The following SCN8A variants were observed in gnomAD, a reference collection of about 807,000 sequenced individuals.
The protein encoded by SCN8A is sodium channel protein type 8 subunit alpha.
Under a neutral mutation model 184.1 loss-of-function variants are expected in SCN8A, and 30 were observed. The ratio of observed to expected loss-of-function variants is 0.16; its 90% CI spans 0.12 to 0.22. The LOEUF (loss-of-function observed/expected upper bound fraction) is 0.22, where lower values mean the gene tolerates loss of function less well. SCN8A is among the 10% of genes least tolerant of loss of function. SCN8A has a pLI of 1.00. For missense variants in SCN8A, 1,057 were observed against 2,498.9 expected, an observed-to-expected ratio of 0.42 and a Z score of 12.30; for synonymous variants, 852 against 907.0, an observed-to-expected ratio of 0.94 and a Z score of 1.09.
At chr12:51,718,068 G>C (rs1565898339) in intron 11 of SCN8A, among the ~76,000 whole-genome samples, 1 of 152,186 alleles carries the variant, frequency 6.6e-6, no homozygotes, top group Non-Finnish European at 1.5e-5. Context: ...CAGGGGCTTT[G>C]TACATTACAA....
chr12:51,608,062 C>A (rs546713102), intron 1 of SCN8A, among the ~76,000 whole-genome samples: 102 of 149,102 alleles, frequency 6.8e-4, no homozygotes, highest in African/African-American at 2.5e-3. Context: ...GCTCTGTCGC[C>A]CAGGCTGGAG....
At chr12:51,684,475 T>C in intron 3 of SCN8A, among the ~76,000 whole-genome samples, 183 bp downstream of exon 3, 1 of 152,218 alleles carries the variant, frequency 6.6e-6, no homozygotes, top group South Asian at 2.1e-4. Context: ...AGCAAATTAT[T>C]ATTTTTTTTC....
At chr12:51,608,137 C>T (rs1364807053) in intron 1 of SCN8A, among the ~76,000 whole-genome samples, 2 of 151,554 alleles carry the variant, frequency 1.3e-5, no homozygotes, top group Non-Finnish European at 1.5e-5. Flanking sequence ...TCTCCTGCCT[C>T]AGCCTCCTGA....
chr12:51,645,394 G>A (rs1160354493), intron 1 of SCN8A, among the ~76,000 whole-genome samples: 5 of 151,200 alleles, frequency 3.3e-5, no homozygotes, highest in African/African-American at 4.9e-5. Context: ...GCCTCTGCCC[G>A]GCCGCGCCTA....
intron 18 of SCN8A, chr12:51,770,230 A>G (rs1942903631): frequency 1.7e-6 from 1 of 588,144 alleles, no homozygotes; most frequent in Middle Eastern, 4.5e-4. Context: ...AAAAATTTCC[A>G]TTAGAATGTC....
At chr12:51,734,389 A>T (rs978924872) in intron 12 of SCN8A, among the ~76,000 whole-genome samples, 1 of 152,236 alleles carries the variant, frequency 6.6e-6, no homozygotes, top group East Asian at 1.9e-4. Context: ...ACTTCTATAG[A>T]TATTGAATTA....
At chr12:51,635,747 A>T (rs1339365525) in intron 1 of SCN8A, among the ~76,000 whole-genome samples, 3 of 152,208 alleles carry the variant, frequency 2.0e-5, no homozygotes, top group Non-Finnish European at 4.4e-5. Context: ...AATAATATTT[A>T]AAAAGTTTAA....
chr12:51,770,365 G>A, intron 18 of SCN8A, 164 bp from the exon 19 acceptor site: 1 of 786,748 alleles, frequency 1.3e-6, no homozygotes, highest in South Asian at 2.0e-5. Flanking sequence ...CATAGCCCCA[G>A]CCCTGCCACC....
At chr12:51,636,187 G>A (rs1013092729) in intron 1 of SCN8A, among the ~76,000 whole-genome samples, 28 of 152,078 alleles carry the variant, frequency 1.8e-4, no homozygotes, top group African/African-American at 4.3e-4. Flanking sequence ...TAGTAGAGAC[G>A]GGGTTTCACC....
rs184163516 is a variant in SCN8A at position 51,754,536 on chromosome 12, G to A, written c.2370+2943G>A. ...AATGTGAGGCTTTTCCTATAGCCCT[G>A]ATTGTGAGTTAAGTTAAGGGTCTAA... On this transcript the variant is annotated intron_variant, in intron 14 of 26. Coordinates refer to ENST00000627620, the MANE Select transcript of SCN8A (RefSeq NM_001330260.2). Among the ~76,000 whole-genome samples, 289 of 152,224 alleles carry A rather than the reference G, an allele frequency of 1.9e-3. 2 individuals carry two copies. The highest frequency in any genetic ancestry group is 6.2e-3 in the African/African-American group (259 of 41,550).
intron 25 of SCN8A, among the ~76,000 whole-genome samples, chr12:51,793,068 T>C (rs1021401595): frequency 1.3e-5 from 2 of 152,042 alleles, no homozygotes; most frequent in Non-Finnish European, 2.9e-5. Flanking sequence ...TTGTTTTAAA[T>C]CATTACACTT....
At chr12:51,742,095 T>C (rs1942436250) in intron 12 of SCN8A, among the ~76,000 whole-genome samples, 2 of 152,248 alleles carry the variant, frequency 1.3e-5, no homozygotes, top group Non-Finnish European at 2.9e-5. Flanking sequence ...CACTTTAACT[T>C]CATCCCTCTG....
intron 2 of SCN8A, among the ~76,000 whole-genome samples, chr12:51,679,537 T>A (rs1941288842): frequency 6.6e-6 from 1 of 152,194 alleles, no homozygotes; most frequent in Non-Finnish European, 1.5e-5. Context: ...AGGGGTAAGT[T>A]GTTTTAACAG....
At chr12:51,684,134 C>T (rs928895137) in intron 2 of SCN8A, 40 bp from the exon 3 acceptor site, 3 of 967,414 alleles carry the variant, frequency 3.1e-6, no homozygotes, top group African/African-American at 3.2e-5. Flanking sequence ...GTGACTCATA[C>T]CCATGCTTTA....
intron 25 of SCN8A, among the ~76,000 whole-genome samples, chr12:51,791,023 A>G (rs2138912760): frequency 6.6e-6 from 1 of 152,292 alleles, no homozygotes; most frequent in East Asian, 1.9e-4. Context: ...TTTATAAAAC[A>G]GATTAGGGGG....
chr12:51,687,240 A>G (rs970071583), intron 5 of SCN8A, 21 bp downstream of exon 5: 1 of 1,612,096 alleles, frequency 6.2e-7, no homozygotes, highest in Non-Finnish European at 8.5e-7. Context: ...CCCTTACTTT[A>G]TTGGTGTTCT....
At chr12:51,776,092 C>T (rs7296667) in intron 20 of SCN8A, among the ~76,000 whole-genome samples, 1,915 of 152,326 alleles carry the variant, frequency 0.013, 31 homozygotes, top group African/African-American at 0.041. Flanking sequence ...TGGGCTCACA[C>T]GATCCTTGCA....
chr12:51,684,097 C>T lies in SCN8A; in HGVS notation c.277-77C>T, dbSNP rs934578950. ...TAAAGACTTTTGAGTTTATGTATTC[C>T]TTACCTAGAAATCATTGTTTCATGT... On this transcript the variant is annotated intron_variant, in intron 2 of 26. Coordinates refer to ENST00000627620, the MANE Select transcript of SCN8A (RefSeq NM_001330260.2). 5.0e-6 allele frequency: 4 copies of T among 804,910 alleles called. No individual in the cohort carries two copies. In the African/African-American group the frequency reaches 5.0e-5, roughly 10 times the overall value. The allele number at this position is 804,910 out of a possible 1,614,324, so 49.9% of individuals were successfully genotyped here.
rs184168638 is a variant in SCN8A at position 51,688,569 on chromosome 12, C to T, written c.615-436C>T. Among the ~76,000 whole-genome samples the T allele has an allele frequency of 5.5e-3, 830 of 152,260 alleles. 10 individuals carry two copies. Among genetic ancestry groups the T allele is most frequent in the African/African-American group, 0.019 (777 of 41,548 alleles). On this transcript the variant is annotated intron_variant, in intron 5 of 26. Coordinates refer to ENST00000627620, the MANE Select transcript of SCN8A (RefSeq NM_001330260.2). ...GGAGTAAATCCCAAAAACCTCCTTTCTAATATACTTTTGAATTCTTCTTGT... is the reference window on the plus strand; with the variant it reads ...GGAGTAAATCCCAAAAACCTCCTTTTTAATATACTTTTGAATTCTTCTTGT...
Sources: allele counts gnomAD v4.1 joint callset (sites outside exome capture counted in the v4.1 genomes callset), GRCh38; gene constraint gnomAD v4.1.1; transcripts MANE v1.5; gene names NCBI Gene and HGNC (gene_info 2026-07-23, HGNC 2026-07-21).